The following RBFOX1 variants were observed in gnomAD, a reference collection of about 807,000 sequenced individuals.
RBFOX1 encodes RNA binding protein fox-1 homolog 1.
In RBFOX1, 8 loss-of-function variants were observed where a neutral mutation model predicts 57.7. That is an observed-to-expected ratio of 0.14 (90% CI 0.08 to 0.25). The LOEUF (loss-of-function observed/expected upper bound fraction) is 0.25, where lower values mean the gene tolerates loss of function less well. Ranked by LOEUF, RBFOX1 falls within the 10% of genes least tolerant of loss-of-function variation. The pLI is 1.00. For missense variants in RBFOX1, 611 were observed against 548.5 expected (o/e 1.11, Z -1.14); for synonymous variants, 326 against 222.4 (o/e 1.47, Z -4.15).
intron 5 of RBFOX1, among the ~76,000 whole-genome samples, chr16:7,564,450 G>T (rs968926014): frequency 6.8e-6 from 1 of 146,924 alleles, no homozygotes; most frequent in Non-Finnish European, 1.5e-5. Context: ...CTGAGGCAGG[G>T]GAATTGCTTG....
intron 3 of RBFOX1, among the ~76,000 whole-genome samples, chr16:6,749,762 G>A (rs968031075): frequency 1.3e-5 from 2 of 152,178 alleles, no homozygotes; most frequent in African/African-American, 4.8e-5. Context: ...AAGTTTTTCA[G>A]TGTTAACAGA....
chr16:6,478,408 TATATATATATATATA>T (rs1407661598), intron 2 of RBFOX1, among the ~76,000 whole-genome samples: 235 of 22,298 alleles, frequency 0.011, 9 homozygotes, highest in Non-Finnish European at 0.014. Flanking sequence ...TATATATATA[TATATATATATATATA>T]TATATATTTT....
intron 3 of RBFOX1, among the ~76,000 whole-genome samples, chr16:7,039,468 C>T (rs767441154): frequency 6.6e-6 from 1 of 152,170 alleles, no homozygotes; most frequent in Non-Finnish European, 1.5e-5. Flanking sequence ...GAGACAGAAT[C>T]AAGTTCATTA....
chr16:5,816,798 T>C (rs534219419), intron 3 of RBFOX1, among the ~76,000 whole-genome samples: 13 of 152,114 alleles, frequency 8.5e-5, no homozygotes, highest in African/African-American at 3.1e-4. Context: ...AGAAATTATA[T>C]AGCCCTAGAT....
intron 3 of RBFOX1, among the ~76,000 whole-genome samples, chr16:6,655,472 T>A (rs189812012): frequency 6.7e-6 from 1 of 148,986 alleles, no homozygotes; most frequent in South Asian, 2.1e-4. Flanking sequence ...CTATCTGAGA[T>A]TAAGGGGGTA....
chr16:6,458,891 C>T (rs995583713), intron 2 of RBFOX1, among the ~76,000 whole-genome samples: 1 of 152,214 alleles, frequency 6.6e-6, no homozygotes, highest in Non-Finnish European at 1.5e-5. Flanking sequence ...GGTTAGGTCA[C>T]TCTCCTCTGG....
rs576427301 is a variant in RBFOX1 at position 5,459,579 on chromosome 16, C to G, written c.220-7637C>G. On this transcript the variant is annotated intron_variant, in intron 1 of 2. Transcript: ENST00000585867. The stretch of plus-strand genomic sequence containing the variant: ...CCACTTGTCTCATGTCTGTGCAACA[C>G]TTTCTCACGATCCCCCAATTTTTCC... 5.3e-5 allele frequency among the ~76,000 whole-genome samples: 8 copies of G among 152,226 alleles called. No homozygotes were observed. The South Asian group carries it at 1.7e-3, about 32-fold the overall frequency.
chr16:7,445,550 G>C (rs561269849), intron 4 of RBFOX1, among the ~76,000 whole-genome samples: 1 of 152,242 alleles, frequency 6.6e-6, no homozygotes, highest in African/African-American at 2.4e-5. Flanking sequence ...CAAGGGATTG[G>C]GGTCATTTGA....
chr16:5,475,941 C>A (rs999690838), intron 2 of RBFOX1, among the ~76,000 whole-genome samples: 1 of 152,196 alleles, frequency 6.6e-6, no homozygotes, highest in Non-Finnish European at 1.5e-5. Context: ...AAGTGTGGCT[C>A]TAGCTCTTAA....
chr16:5,454,302 C>G (rs1373538556), intron 1 of RBFOX1, among the ~76,000 whole-genome samples: 1 of 152,164 alleles, frequency 6.6e-6, no homozygotes. Flanking sequence ...GCAAACCACC[C>G]TAAACTTAGA....
chr16:7,106,803 G>T (rs1313245528), intron 4 of RBFOX1, among the ~76,000 whole-genome samples: 1 of 151,614 alleles, frequency 6.6e-6, no homozygotes, highest in Non-Finnish European at 1.5e-5. Flanking sequence ...GCCCTAAAAG[G>T]TGTCTGCTGG....
chr16:7,156,521 A>C (rs1037259973), intron 4 of RBFOX1, among the ~76,000 whole-genome samples: 7 of 152,144 alleles, frequency 4.6e-5, no homozygotes, highest in Admixed American at 2.6e-4. Flanking sequence ...ACATGCATGT[A>C]GATATATATG....
chr16:6,634,390 C>G (rs2098414605), intron 2 of RBFOX1, among the ~76,000 whole-genome samples: 2 of 151,914 alleles, frequency 1.3e-5, no homozygotes, highest in Non-Finnish European at 1.5e-5. Context: ...AACCAAACCT[C>G]CGTGAGTATG....
At chr16:7,427,104 G>T (rs375002219) in intron 4 of RBFOX1, among the ~76,000 whole-genome samples, 1 of 152,096 alleles carries the variant, frequency 6.6e-6, no homozygotes, top group Non-Finnish European at 1.5e-5. Flanking sequence ...TCGTGTGACC[G>T]GGGCCTGTCA....
Position 6,387,471 on chromosome 16 carries a change from G to GAAA in RBFOX1, c.-64+70427_-64+70429dup, listed in dbSNP as rs36100228. 5.5e-3 allele frequency among the ~76,000 whole-genome samples: 721 copies of GAAA among 129,922 alleles called. 14 individuals carry two copies. In the East Asian group the frequency reaches 0.077, roughly 14 times the overall value. The allele number at this position is 129,922 out of a possible 152,430, so 85.2% of individuals were successfully genotyped here. The stretch of plus-strand genomic sequence containing the variant: ...CCTAGATATGAAAGGACTTGATTAG[G>GAAA]AAAAAAAAAAAAAAACCTTTTGAAG... On this transcript the variant is annotated intron_variant, in intron 2 of 15. Transcript: ENST00000550418.
intron 4 of RBFOX1, among the ~76,000 whole-genome samples, chr16:5,999,392 C>G (rs1044491653): frequency 2.6e-5 from 4 of 152,202 alleles, no homozygotes; most frequent in African/African-American, 4.8e-5. Context: ...AACTCTTCCC[C>G]CATTGAAACC....
intron 1 of RBFOX1, among the ~76,000 whole-genome samples, chr16:6,217,092 G>T (rs950903326): frequency 6.6e-6 from 1 of 151,622 alleles, no homozygotes. Flanking sequence ...AGATTAATGG[G>T]TTGGCTAAAA....
At chr16:7,080,855 C>T (rs1381931253) in intron 4 of RBFOX1, among the ~76,000 whole-genome samples, 1 of 152,170 alleles carries the variant, frequency 6.6e-6, no homozygotes, top group Non-Finnish European at 1.5e-5. Context: ...ACAATCCATC[C>T]TCAGGACCAA....
intron 1 of RBFOX1, among the ~76,000 whole-genome samples, chr16:5,422,153 G>A (rs1367448750): frequency 1.3e-5 from 2 of 152,012 alleles, no homozygotes; most frequent in East Asian, 3.9e-4. Context: ...TTAGGATGCT[G>A]AATATGGCAT....
Sources: gnomAD v4.1 joint callset for allele counts (sites outside exome capture counted in the v4.1 genomes callset) on GRCh38, gnomAD v4.1.1 for gene constraint, MANE v1.5 for transcripts, NCBI Gene and HGNC (gene_info 2026-07-23, HGNC 2026-07-21) for gene names.